Variants in TECPR2 observed in about 807,000 individuals in gnomAD.
TECPR2 encodes tectonin beta-propeller repeat containing 2, also known as tectonin beta-propeller repeat-containing protein 2.
Under a neutral mutation model 138.1 loss-of-function variants are expected in TECPR2, and 65 were observed. The observed-to-expected ratio is 0.47, with a 90% CI of 0.39 to 0.58. TECPR2 has a LOEUF of 0.58. Among genes scored for constraint, TECPR2 ranks in the 20% least tolerant of loss-of-function variants. TECPR2 has a pLI of 0.00. For missense variants in TECPR2, 1,553 were observed against 1,824.5 expected (o/e 0.85, Z 2.71); for synonymous variants, 746 against 749.8 (o/e 0.99, Z 0.08).
intron 17 of TECPR2, among the ~76,000 whole-genome samples, chr14:102,483,634 G>T (rs1488590816): frequency 6.6e-6 from 1 of 151,626 alleles, no homozygotes; most frequent in East Asian, 1.9e-4. Flanking sequence ...TGTAGAGATG[G>T]AGTCTCACTA....
In TECPR2 at chr14:102,497,601, C is replaced by A. The variant is rs774379289; in HGVS notation, c.3963C>A (p.Thr1321=). The change falls in exon 19 of 20, where the codon ACC becomes ACA. Residue 1321 remains threonine (T), a synonymous_variant. Coordinates refer to ENST00000359520, the MANE Select transcript of TECPR2 (RefSeq NM_014844.5). ...GLQACQLALS[T]RTVWARCPNG... ...AGGCCTGCCAGCTGGCGCTGAGCAC[C>A]AGGACCGTGTGGGCCCGCTGTCCAA... 4 of 1,608,242 alleles carry A rather than the reference C, an allele frequency of 2.5e-6. No homozygotes were observed.
chr14:102,430,663 G>A (rs767109588), intron 7 of TECPR2, among the ~76,000 whole-genome samples: 19 of 152,310 alleles, frequency 1.2e-4, no homozygotes, highest in Middle Eastern at 3.4e-3. Context: ...CTGTGGTGTC[G>A]TGTTGCAGAA....
rs377706262 is a variant in TECPR2 at position 102,452,589 on chromosome 14, C to T, written c.3602C>T (p.Thr1201Met). 163 of 1,605,892 alleles carry T rather than the reference C, an allele frequency of 1.0e-4. No homozygotes were observed. Among genetic ancestry groups the T allele is most frequent in the Admixed American group, 5.1e-4 (30 of 58,798 alleles). ...FIRTLSKSCP[T>M]GMHWTRLDLS... ...AGGACGCTCTCCAAGAGCTGCCCCA[C>T]GGGCATGCACTGGACCAGGCTGGAC... Residue 1201 changes from threonine to methionine, a missense_variant, in exon 16 of 20, where the codon ACG becomes ATG. Transcript: ENST00000359520.
rs1345546964 is a variant in TECPR2, at chr14:102,434,566, TG to T, written c.1751del (p.Gly584GlufsTer62). On this transcript the variant is annotated frameshift_variant, in exon 9 of 20. Transcript: ENST00000359520. LOFTEE classifies it high-confidence loss of function. ...HHAHGRELLNGAREDVGGSDV... is the reference protein window; with the variant it reads ...HHAHGRELLNXAREDVGGSDV... ...ATGCACATGGGCGGGAGCTGCTCAA[TG>T]GAGCGAGGGAAGATGTGGGAGGCAG... The T allele has an allele frequency of 1.3e-6, 2 of 1,556,566 alleles. No homozygotes were observed. Among genetic ancestry groups the T allele is most frequent in the Non-Finnish European group, 1.7e-6 (2 of 1,147,432 alleles).
At chr14:102,498,022 C>CGCCCAAGCTCCCAGCTCTATCTGT in intron 19 of TECPR2, 81 bp from the exon 20 acceptor site, 2 of 1,510,190 alleles carry the variant, frequency 1.3e-6, no homozygotes, top group Non-Finnish European at 8.9e-7. Context: ...CCCAGACCTG[C>CGCCCAAGCTCCCAGCTCTATCTGT]GCCCAAGCTC....
intron 16 of TECPR2, among the ~76,000 whole-genome samples, chr14:102,460,786 C>G (rs538863103): frequency 6.6e-6 from 1 of 151,686 alleles, no homozygotes; most frequent in Admixed American, 6.6e-5. Context: ...GCTCCACCTC[C>G]CAGCTTCACG....
intron 17 of TECPR2, among the ~76,000 whole-genome samples, chr14:102,477,889 C>T (rs1287942814): frequency 5.8e-5 from 8 of 137,578 alleles, no homozygotes; most frequent in African/African-American, 1.6e-4. Context: ...GAGCCGAGAT[C>T]GCACCACTGC....
At chr14:102,396,227 C>T (rs535815358) in intron 2 of TECPR2, among the ~76,000 whole-genome samples, 13 of 151,958 alleles carry the variant, frequency 8.6e-5, no homozygotes, top group South Asian at 8.3e-4. Flanking sequence ...CTCAGCCTCC[C>T]GAACAGCTGG....
At position 102,443,767 on chromosome 14, in the gene TECPR2, A is replaced by T. The variant is rs956791497; in HGVS notation, c.2873A>T (p.Tyr958Phe). The T allele has an allele frequency of 8.7e-6, 14 of 1,609,872 alleles. No individual in the cohort carries two copies. The highest frequency in any genetic ancestry group is 1.3e-5 in the African/African-American group (1 of 74,950). The change falls in exon 12 of 20, where the codon TAC becomes TTC. Residue 958 changes from tyrosine to phenylalanine, a missense_variant. By Grantham distance (22) the Tyr-to-Phe change is conservative. Transcript: ENST00000359520. The surrounding 1 kb of genome is among the most constrained non-coding windows in gnomAD (Gnocchi z 4.9). ...WALTEQRALL[Y>F]REGVSSFCPE... ...CTGACAGAGCAGAGGGCCCTCCTGT[A>T]CCGGGAGGGCGTGAGCAGCTTCTGT...
Position 102,462,961 on chromosome 14 carries a change from C to G in TECPR2, c.3641-2180C>G, listed in dbSNP as rs538693137. On this transcript the variant is annotated intron_variant, in intron 16 of 19. Transcript: ENST00000359520. ...AAGCATATTAAAAGATTCCCAGCATCATTCCTTAGCAGGAAATACAAATTA... is the reference window on the plus strand; with the variant it reads ...AAGCATATTAAAAGATTCCCAGCATGATTCCTTAGCAGGAAATACAAATTA... Among the ~76,000 whole-genome samples the G allele has an allele frequency of 1.1e-4, 17 of 152,306 alleles. No individual in the cohort carries two copies. In the South Asian group the frequency reaches 3.5e-3, roughly 32 times the overall value.
At chr14:102,399,746 G>T (rs960865732) in intron 2 of TECPR2, among the ~76,000 whole-genome samples, 1 of 151,748 alleles carries the variant, frequency 6.6e-6, no homozygotes, top group African/African-American at 2.4e-5. Flanking sequence ...CAGGAGAATC[G>T]CTTGAACCCA....
At chr14:102,484,817 C>G (rs1486746289) in intron 17 of TECPR2, among the ~76,000 whole-genome samples, 1 of 152,162 alleles carries the variant, frequency 6.6e-6, no homozygotes, top group Non-Finnish European at 1.5e-5. Context: ...GCCACCATGC[C>G]TGGCTAATTT....
At chr14:102,449,977 C>T in intron 14 of TECPR2, 108 bp downstream of exon 14, 1 of 1,506,342 alleles carries the variant, frequency 6.6e-7, no homozygotes, top group Non-Finnish European at 8.9e-7. Context: ...TAATTTAGTG[C>T]CAGTGGTATG....
At chr14:102,396,104 CTTTT>C (rs5811067) in intron 2 of TECPR2, among the ~76,000 whole-genome samples, 1 of 136,346 alleles carries the variant, frequency 7.3e-6, no homozygotes, top group Non-Finnish European at 1.6e-5. Context: ...CTTTAGTACT[CTTTT>C]TTTTTTTTTT....
rs899579856 is a variant in TECPR2, at chr14:102,498,368, G to A, written c.*111G>A. On this transcript the variant is annotated 3_prime_UTR_variant, in exon 20 of 20. Coordinates refer to ENST00000359520, the MANE Select transcript of TECPR2 (RefSeq NM_014844.5). ...CCTCAACACTTGTCCAGACACCTCT[G>A]GCCAGGTTGGACCCGCACACTTACT... 4.5e-6 allele frequency: 6 copies of A among 1,342,866 alleles called. No individual in the cohort carries two copies. The highest frequency in any genetic ancestry group is 4.4e-5 in the African/African-American group (3 of 68,464). 83.2% of individuals were successfully genotyped at this position (1,342,866 alleles called of 1,614,324 possible).
rs11626608 is a variant in TECPR2, at chr14:102,496,791, T to C, written c.3790-188T>C. On this transcript the variant is annotated intron_variant, in intron 17 of 19. Transcript: ENST00000359520. ...TCCCTCAGTCTGGCCCACCTGACAT[T>C]CTGGAGACAAGTGACCATCTCCCCC... 35,212 of 824,082 alleles carry C rather than the reference T, an allele frequency of 0.043. 935 individuals are homozygous for C. The highest frequency in any genetic ancestry group is 0.056 in the Non-Finnish European group (29,918 of 538,764). 51.0% of individuals were successfully genotyped at this position (824,082 alleles called of 1,614,324 possible).
intron 17 of TECPR2, among the ~76,000 whole-genome samples, chr14:102,487,002 A>C (rs1891041963): frequency 6.6e-6 from 1 of 152,188 alleles, no homozygotes; most frequent in Non-Finnish European, 1.5e-5. Context: ...CACACGCCTC[A>C]GCGCCCCCTG....
chr14:102,414,918 C>A, intron 5 of TECPR2, 125 bp downstream of exon 5: 1 of 1,185,772 alleles, frequency 8.4e-7, no homozygotes, highest in Admixed American at 2.5e-5. Context: ...CGCCTCTAAG[C>A]CTGGGGTTCC....
chr14:102,384,321 G>T (rs1037606360), intron 2 of TECPR2, among the ~76,000 whole-genome samples: 7 of 152,038 alleles, frequency 4.6e-5, no homozygotes, highest in Admixed American at 3.9e-4. Context: ...GCTGCATCTG[G>T]TGGGGACCTC....
Sources: allele counts gnomAD v4.1 joint callset (sites outside exome capture counted in the v4.1 genomes callset), GRCh38; gene constraint gnomAD v4.1.1; non-coding constraint Gnocchi (gnomAD v3.1); transcripts MANE v1.5; gene names NCBI Gene and HGNC (gene_info 2026-07-23, HGNC 2026-07-21).